ZMAT1: variants seen among roughly 807,000 people sequenced by gnomAD.
The protein encoded by ZMAT1 is zinc finger matrin-type 1.
A neutral mutation model predicts 18.5 loss-of-function variants in ZMAT1; 11 were observed. The observed-to-expected ratio is 0.59, with a 90% CI of 0.37 to 0.98. The LOEUF is 0.98. ZMAT1 is among the 50% of genes least tolerant of loss of function. ZMAT1 has a pLI of 0.01. For synonymous variants in ZMAT1, 211 were observed against 176.4 expected, an observed-to-expected ratio of 1.20 and a Z score of -1.55; for missense variants, 525 against 496.2, an observed-to-expected ratio of 1.06 and a Z score of -0.55.
chrX:101,909,669 G>A (rs1321331468), intron 1 of ZMAT1, among the ~76,000 whole-genome samples: 1 of 112,665 alleles, frequency 8.9e-6, no homozygotes, highest in Non-Finnish European at 1.9e-5. Context: ...CCGTGGCTAT[G>A]GGGTGAGGCT....
chrX:101,906,661 C>T (rs761295544), intron 1 of ZMAT1, among the ~76,000 whole-genome samples: 7 of 111,745 alleles, frequency 6.3e-5, no homozygotes, highest in Admixed American at 1.9e-4. Flanking sequence ...TCCCTGTGTG[C>T]CCAGGTCCCA....
intron 4 of ZMAT1, among the ~76,000 whole-genome samples, chrX:101,895,076 G>T (rs993204505): frequency 2.7e-5 from 3 of 110,744 alleles, no homozygotes; most frequent in Non-Finnish European, 3.8e-5. Flanking sequence ...AATATATGAA[G>T]ATTTTTCTGG....
At chrX:101,901,923 AG>A (rs1304230109) in intron 2 of ZMAT1, among the ~76,000 whole-genome samples, 3 of 111,864 alleles carry the variant, frequency 2.7e-5, no homozygotes, top group African/African-American at 9.7e-5. Flanking sequence ...ATTATGTTTC[AG>A]TTTATTTTGC....
At chrX:101,902,090 C>T (rs1030828646) in intron 2 of ZMAT1, among the ~76,000 whole-genome samples, 1 of 112,234 alleles carries the variant, frequency 8.9e-6, no homozygotes, top group African/African-American at 3.2e-5. Context: ...AAGCAGTTTA[C>T]ATCTCCAAAT....
chrX:101,886,212 A>C (rs1260540016), intron 5 of ZMAT1, among the ~76,000 whole-genome samples: 1 of 111,876 alleles, frequency 8.9e-6, no homozygotes, highest in Non-Finnish European at 1.9e-5. Context: ...AGAAAAATGG[A>C]TCTGGTATTC....
intron 1 of ZMAT1, among the ~76,000 whole-genome samples, chrX:101,924,259 G>T (rs1190625780): frequency 9.0e-6 from 1 of 111,325 alleles, no homozygotes; most frequent in African/African-American, 3.3e-5. Flanking sequence ...TTACAGGCAT[G>T]TACCACTGTG....
In ZMAT1 at chrX:101,897,935, A is replaced by G; in HGVS notation, c.609T>C (p.Ala203=). The part of the protein sequence containing the change: ...AQSHYVGKVH[A]KKLKQLMEEH... ...CCTCCATTAATTGCTTCAGTTTTTTAGCATGGACCTTTCCCACATAGTGAG... is the reference window on the plus strand; with the variant it reads ...CCTCCATTAATTGCTTCAGTTTTTTGGCATGGACCTTTCCCACATAGTGAG... Residue 203 remains alanine, a synonymous_variant, in exon 4 of 6, where the codon GCT becomes GCC. Coordinates refer to ENST00000651725, the MANE Select transcript of ZMAT1 (RefSeq NM_001394560.1). The G allele has an allele frequency of 8.3e-7, 1 of 1,211,535 alleles. No individual in the cohort carries two copies. The highest frequency in any genetic ancestry group is 1.8e-5 in the South Asian group (1 of 56,943).
intron 4 of ZMAT1, among the ~76,000 whole-genome samples, chrX:101,893,729 G>T (rs2147599626): frequency 9.0e-6 from 1 of 111,621 alleles, no homozygotes; most frequent in South Asian, 3.8e-4. Flanking sequence ...AGAAATGCAG[G>T]TTAAGGAAGC....
At position 101,884,578 on chromosome X, in the gene ZMAT1, T is replaced by C. The variant is rs1926771982; in HGVS notation, c.1020A>G (p.Pro340=). Residue 340 remains proline, a synonymous_variant, in exon 6 of 6, where the codon CCA becomes CCG. Transcript: ENST00000651725. ...TTTCCATTGCTTGTGAAATATTGTA[T>C]GGTGCTGCGTATGTCCGGAAAGTCT... ...PFETFRTYAA[P]YNISQAMEKQ... The C allele has an allele frequency of 1.7e-6, 2 of 1,211,228 alleles. No individual in the cohort carries two copies. The highest frequency in any genetic ancestry group is 1.1e-6 in the Non-Finnish European group (1 of 895,096).
At chrX:101,894,778 C>T (rs776031041) in intron 4 of ZMAT1, 14 of 751,003 alleles carry the variant, frequency 1.9e-5, no homozygotes, top group Middle Eastern at 7.6e-4. Context: ...GAAGAATGAA[C>T]ATTTTCACAT....
intron 4 of ZMAT1, among the ~76,000 whole-genome samples, chrX:101,890,906 G>A (rs1388853007): frequency 9.0e-6 from 1 of 111,364 alleles, no homozygotes; most frequent in Non-Finnish European, 1.9e-5. Flanking sequence ...TAAAACATAA[G>A]AGAAAGAGAT....
At chrX:101,911,913 A>G in intron 1 of ZMAT1, 1 of 1,207,663 alleles carries the variant, frequency 8.3e-7, no homozygotes, top group Non-Finnish European at 1.1e-6. Flanking sequence ...GAAAAGTCCC[A>G]TGGGTGTCAC....
chrX:101,901,445 T>C (rs1209834042), intron 2 of ZMAT1, among the ~76,000 whole-genome samples: 2 of 111,412 alleles, frequency 1.8e-5, no homozygotes, highest in Non-Finnish European at 3.8e-5. Context: ...AGCTGTGGGT[T>C]TGTCATAGAT....
At chrX:101,900,748 TTTG>T (rs1928168251) in intron 2 of ZMAT1, among the ~76,000 whole-genome samples, 2 of 112,032 alleles carry the variant, frequency 1.8e-5, no homozygotes, top group South Asian at 7.4e-4. Context: ...TGCCTCTAGA[TTTG>T]TTCTTTTTGC....
intron 1 of ZMAT1, chrX:101,915,692 T>G (rs1388038803): frequency 8.9e-6 from 1 of 111,992 alleles, no homozygotes; most frequent in East Asian, 2.8e-4. Flanking sequence ...CATTCCATAG[T>G]TTTAATCTCA....
chrX:101,911,997 A>G (rs763680396), intron 1 of ZMAT1: 1 of 1,187,521 alleles, frequency 8.4e-7, no homozygotes, highest in Admixed American at 2.2e-5. Context: ...GAGAAGCCAT[A>G]TGTGTGCAGG....
chrX:101,927,037 G>A (rs1020471896), intron 1 of ZMAT1, among the ~76,000 whole-genome samples: 10 of 112,357 alleles, frequency 8.9e-5, no homozygotes, highest in African/African-American at 3.2e-4. Context: ...CAGATTTCAA[G>A]TCAGGCATTA....
At chrX:101,929,762 C>T (rs758271080) in intron 1 of ZMAT1, among the ~76,000 whole-genome samples, 1 of 110,945 alleles carries the variant, frequency 9.0e-6, no homozygotes, top group Non-Finnish European at 1.9e-5. Flanking sequence ...AGGTTTCTTA[C>T]GATTTATGAG....
At chrX:101,926,421 T>A (rs111229622) in intron 1 of ZMAT1, among the ~76,000 whole-genome samples, 6,747 of 112,122 alleles carry the variant, frequency 0.06, 435 homozygotes, top group African/African-American at 0.19. Flanking sequence ...TGCAGCTGAG[T>A]GTGAAATCCA....
Sources: gnomAD v4.1 joint callset for allele counts (sites outside exome capture counted in the v4.1 genomes callset) on GRCh38, gnomAD v4.1.1 for gene constraint, MANE v1.5 for transcripts, NCBI Gene and HGNC (gene_info 2026-07-23, HGNC 2026-07-21) for gene names.